PLEKHA4: variants seen among roughly 807,000 people sequenced by gnomAD.
PLEKHA4 encodes the protein pleckstrin homology domain containing A4.
PLEKHA4 carries 73 observed loss-of-function variants against 94.7 expected under a neutral mutation model. The ratio of observed to expected loss-of-function variants is 0.77; its 90% CI spans 0.64 to 0.94. The LOEUF is 0.94. PLEKHA4 is among the 40% of genes least tolerant of loss of function. PLEKHA4 has a pLI of 0.00. For synonymous variants in PLEKHA4, 449 were observed against 437.1 expected (o/e 1.03, Z -0.34); for missense variants, 1,049 against 1,054.1 (o/e 1.00, Z 0.07).
chr19:48,837,415 C>T lies in PLEKHA4; in HGVS notation c.2214G>A (p.Gly738=), dbSNP rs887904668. ...GGGTGGGACCTCCTCCACGCCCACT[C>T]CCTCGGCGAGAGAACCCCGTGGAAC... ...NSGSTGFSRR[G]SGRGGGPTPW... Residue 738 remains glycine (G), a synonymous_variant, in exon 20 of 20, where the codon GGG becomes GGA. Coordinates refer to ENST00000263265, the MANE Select transcript of PLEKHA4 (RefSeq NM_020904.3). The surrounding 1 kb of genome is among the most constrained non-coding windows in gnomAD (Gnocchi z 4.3). The T allele has an allele frequency of 1.2e-6, 2 of 1,613,400 alleles. No homozygotes were observed. Among genetic ancestry groups the T allele is most frequent in the African/African-American group, 2.7e-5 (2 of 74,908 alleles).
At chr19:48,859,793 A>C (rs1173194745) in intron 6 of PLEKHA4, 109 bp from the exon 7 acceptor site, 4 of 995,968 alleles carry the variant, frequency 4.0e-6, no homozygotes, top group Non-Finnish European at 5.9e-6. Context: ...AAAGTTGTGC[A>C]CTATAAATCA....
chr19:48,837,731 C>T lies in PLEKHA4; in HGVS notation c.2078-180G>A, dbSNP rs1413078889. Among the ~76,000 whole-genome samples, 1 of 151,182 alleles carries T rather than the reference C, an allele frequency of 6.6e-6. No homozygotes were observed. Among genetic ancestry groups the T allele is most frequent in the Non-Finnish European group, 1.5e-5 (1 of 67,740 alleles). On this transcript the variant is annotated intron_variant, in intron 19 of 19. Coordinates refer to ENST00000263265, the MANE Select transcript of PLEKHA4 (RefSeq NM_020904.3). This position sits in a 1 kb window ranked among gnomAD's most constrained non-coding sequence, Gnocchi z 4.3. ...CAGGAGTCCAGGCCCCCAGCCCCTC[C>T]TCCCTCAGATCCAGGAGTCTGGATA...
intron 9 of PLEKHA4, among the ~76,000 whole-genome samples, chr19:48,856,898 C>CAAAAAAAAAAAAAA (rs1315657736): frequency 2.8e-5 from 1 of 35,600 alleles, no homozygotes; most frequent in African/African-American, 1.6e-4. Flanking sequence ...GACCCCGTCT[C>CAAAAAAAAAAAAAA]AAAAAAAAAA....
chr19:48,857,911 TA>T (rs939594545), intron 8 of PLEKHA4, among the ~76,000 whole-genome samples: 13 of 148,716 alleles, frequency 8.7e-5, no homozygotes, highest in African/African-American at 3.2e-4. Flanking sequence ...GAATGATCAA[TA>T]AAAAAATAAT....
rs751499797 is a variant in PLEKHA4 at position 48,837,457 on chromosome 19, G to T, written c.2172C>A (p.Pro724=). 1.2e-6 allele frequency: 2 copies of T among 1,613,122 alleles called. No homozygotes were observed. Among genetic ancestry groups the T allele is most frequent in the Admixed American group, 1.7e-5 (1 of 59,636 alleles). The part of the protein sequence containing the change: ...TRQETPPPRS[P]PVANSGSTGF... ...CCGTGGAACCCGAATTAGCCACCGG[G>T]GGAGATCTGGGGGGAGGGGTCTCCT... The change falls in exon 20 of 20, where the codon CCC becomes CCA. Residue 724 remains proline (P), a synonymous_variant. Coordinates refer to ENST00000263265, the MANE Select transcript of PLEKHA4 (RefSeq NM_020904.3). This position sits in a 1 kb window ranked among gnomAD's most constrained non-coding sequence, Gnocchi z 4.3.
At position 48,853,735 on chromosome 19, in the gene PLEKHA4, G is replaced by A. The variant is rs1340314104; in HGVS notation, c.1273C>T (p.Leu425Phe). Residue 425 changes from leucine to phenylalanine, a missense_variant, in exon 12 of 20, where the codon CTC becomes TTC. Coordinates refer to ENST00000263265, the MANE Select transcript of PLEKHA4 (RefSeq NM_020904.3). Reference sequence around the variant, plus strand: ...ACACTGACCAGCCGGTCCTGCAAGAGGCGCTGGCGACCCCAGGCCCTCCCG... The same window carrying A: ...ACACTGACCAGCCGGTCCTGCAAGAAGCGCTGGCGACCCCAGGCCCTCCCG... ...APGRAWGRQR[L>F]LQDRLVSVRA... 1.9e-6 allele frequency: 3 copies of A among 1,610,718 alleles called. No individual in the cohort carries two copies. The highest frequency in any genetic ancestry group is 2.5e-6 in the Non-Finnish European group (3 of 1,179,002).
At chr19:48,841,726 G>A (rs990398144) in intron 16 of PLEKHA4, among the ~76,000 whole-genome samples, 12 of 151,974 alleles carry the variant, frequency 7.9e-5, no homozygotes, top group African/African-American at 2.9e-4. Flanking sequence ...AGGCTGAGGT[G>A]GGAGGATCAC....
intron 13 of PLEKHA4, among the ~76,000 whole-genome samples, chr19:48,850,634 A>G (rs2036149091): frequency 6.6e-6 from 1 of 152,024 alleles, no homozygotes; most frequent in Non-Finnish European, 1.5e-5. Context: ...CCGGACCAAC[A>G]TGGAGAAACC....
At chr19:48,842,384 C>T (rs139579207) in intron 16 of PLEKHA4, among the ~76,000 whole-genome samples, 1,739 of 152,100 alleles carry the variant, frequency 0.011, 27 homozygotes, top group African/African-American at 0.039. Flanking sequence ...CTCCTGATCT[C>T]GTGATCCACC....
Position 48,837,600 on chromosome 19 carries a change from C to T in PLEKHA4, c.2078-49G>A. 6.2e-7 allele frequency: 1 copy of T among 1,600,294 alleles called. No homozygotes were observed. Among genetic ancestry groups the T allele is most frequent in the Non-Finnish European group, 8.5e-7 (1 of 1,172,904 alleles). On this transcript the variant is annotated intron_variant, in intron 19 of 19. Coordinates refer to ENST00000263265, the MANE Select transcript of PLEKHA4 (RefSeq NM_020904.3). This position sits in a 1 kb window ranked among gnomAD's most constrained non-coding sequence, Gnocchi z 4.3. ...AGAATGGCAAACCTCAGCGCTAGGACCCCGGATTCCCAGCCCCTCCTCCCT... is the reference window on the plus strand; with the variant it reads ...AGAATGGCAAACCTCAGCGCTAGGATCCCGGATTCCCAGCCCCTCCTCCCT...
chr19:48,838,934 G>A (rs1047831838), intron 18 of PLEKHA4, among the ~76,000 whole-genome samples: 1 of 151,976 alleles, frequency 6.6e-6, no homozygotes, highest in African/African-American at 2.4e-5. Flanking sequence ...TGCATTACGG[G>A]ATTTGTAGTC....
At chr19:48,840,678 G>A (rs2035726335) in intron 17 of PLEKHA4, among the ~76,000 whole-genome samples, 1 of 151,890 alleles carries the variant, frequency 6.6e-6, no homozygotes, top group Non-Finnish European at 1.5e-5. Context: ...GCCCTCCTTG[G>A]CCTCCCAAAT....
intron 16 of PLEKHA4, among the ~76,000 whole-genome samples, chr19:48,843,167 ATTATT>A (rs57630089): frequency 3.4e-4 from 52 of 151,252 alleles, no homozygotes; most frequent in South Asian, 2.1e-4. Context: ...TTTTTTTTAA[ATTATT>A]TTATTTTATT....
In PLEKHA4 at chr19:48,837,298, G is replaced by A. The variant is rs1456034983; in HGVS notation, c.2331C>T (p.Ser777=). 1.9e-6 allele frequency: 3 copies of A among 1,613,908 alleles called. No individual in the cohort carries two copies. Among genetic ancestry groups the A allele is most frequent in the African/African-American group, 1.3e-5 (1 of 74,928 alleles). Residue 777 remains serine, a synonymous_variant, in exon 20 of 20, where the codon TCC becomes TCT. Transcript: ENST00000263265. This position sits in a 1 kb window ranked among gnomAD's most constrained non-coding sequence, Gnocchi z 4.3. The stretch of plus-strand genomic sequence containing the variant: ...GCCGCTTTTGGGCGGATTAGAAGCT[G>A]GATTGTAGCAGAGTGACTCGCAGAG... The part of the protein sequence containing the change: ...AWPLRVTLLQ[S]SF
chr19:48,856,607 A>C (rs1190451069), intron 9 of PLEKHA4, among the ~76,000 whole-genome samples: 1 of 152,046 alleles, frequency 6.6e-6, no homozygotes, highest in Non-Finnish European at 1.5e-5. Flanking sequence ...AATCCCAGCT[A>C]TTCAGGAGGT....
chr19:48,839,182 T>G lies in PLEKHA4; in HGVS notation c.1964+23A>C, dbSNP rs979366479. ...TGCAAATTTTTTTTTCCTGCTCCCT[T>G]GATACGCCCTCCAGTTCCTTACCTA... is the stretch of plus-strand genomic sequence containing the variant. On this transcript the variant is annotated intron_variant, in intron 18 of 19. Transcript: ENST00000263265. The G allele has an allele frequency of 7.1e-6, 11 of 1,544,562 alleles. No homozygotes were observed. In the African/African-American group the frequency reaches 1.5e-4, roughly 21 times the overall value.
intron 10 of PLEKHA4, 31 bp downstream of exon 10, chr19:48,854,186 C>T (rs765507947): frequency 4.3e-6 from 7 of 1,613,488 alleles, no homozygotes; most frequent in Non-Finnish European, 5.9e-6. Context: ...ACTCTGGGAA[C>T]TCAGCAAGGA....
intron 13 of PLEKHA4, among the ~76,000 whole-genome samples, chr19:48,851,807 G>A (rs147763649): frequency 0.015 from 2,251 of 152,198 alleles, 23 homozygotes; most frequent in Middle Eastern, 0.044. Flanking sequence ...AGCTGGGCAT[G>A]GTGGCATGTG....
In PLEKHA4 at chr19:48,858,781, A is replaced by T. The variant is rs1279735364; in HGVS notation, c.972+79T>A. On this transcript the variant is annotated intron_variant, in intron 8 of 19. Coordinates refer to ENST00000263265, the MANE Select transcript of PLEKHA4 (RefSeq NM_020904.3). ...ACAATACCCATGACACCCAGGGAGC[A>T]ATGGCCTTGAGAATACGGAAAGACA... 27 of 1,480,532 alleles carry T rather than the reference A, an allele frequency of 1.8e-5. No individual in the cohort carries two copies. The East Asian group carries it at 5.9e-4, about 32-fold the overall frequency. The allele number at this position is 1,480,532 out of a possible 1,614,324, so 91.7% of individuals were successfully genotyped here.
Sources: allele counts gnomAD v4.1 joint callset (sites outside exome capture counted in the v4.1 genomes callset), GRCh38; gene constraint gnomAD v4.1.1; non-coding constraint Gnocchi (gnomAD v3.1); transcripts MANE v1.5; gene names NCBI Gene and HGNC (gene_info 2026-07-23, HGNC 2026-07-21).